The following ANKRD26 variants were observed in gnomAD, a reference collection of about 807,000 sequenced individuals.
The protein encoded by ANKRD26 is ankyrin repeat domain-containing protein 26.
ANKRD26 carries 141 observed loss-of-function variants against 208.7 expected under a neutral mutation model. The observed-to-expected ratio is 0.68, with a 90% CI of 0.59 to 0.78. The LOEUF is 0.78. ANKRD26 is among the 30% of genes least tolerant of loss of function. ANKRD26 has a pLI of 0.00. For missense variants in ANKRD26, 1,889 were observed against 1,938.7 expected (o/e 0.97, Z 0.48); for synonymous variants, 636 against 660.4 (o/e 0.96, Z 0.57).
At chr10:26,980,321 T>C (rs1211233470) in intron 5 of ANKRD26, among the ~76,000 whole-genome samples, 2 of 152,222 alleles carry the variant, frequency 1.3e-5, no homozygotes, top group Non-Finnish European at 2.9e-5. Context: ...TGTCATCCTA[T>C]TGGACCTTTG....
chr10:27,056,432 C>T (rs1482229276), intron 15 of ANKRD26, among the ~76,000 whole-genome samples: 1 of 151,750 alleles, frequency 6.6e-6, no homozygotes, highest in Non-Finnish European at 1.5e-5. Flanking sequence ...CCCGCCTTGG[C>T]CTCCCAAAGT....
intron 5 of ANKRD26, among the ~76,000 whole-genome samples, chr10:27,085,350 C>T (rs547807180): frequency 8.5e-5 from 13 of 152,206 alleles, no homozygotes; most frequent in African/African-American, 2.2e-4. Flanking sequence ...CCACCCGCCT[C>T]GGCCTCTCAA....
At position 27,043,438 on chromosome 10, in the gene ANKRD26, T is replaced by C. The variant is rs1397911382; in HGVS notation, c.2149A>G (p.Met717Val). Residue 717 changes from methionine (M) to valine (V), a missense_variant, in exon 20 of 34, where the codon ATG becomes GTG. Met to Val is a conservative substitution (Grantham distance 21). Coordinates refer to ENST00000376087, the MANE Select transcript of ANKRD26 (RefSeq NM_014915.3). Reference sequence around the variant, plus strand: ...GCAATGGTCCTACCTTTACACTCCATTCCAAGTTGTTCAATGAGCAACATA... The same window carrying C: ...GCAATGGTCCTACCTTTACACTCCACTCCAAGTTGTTCAATGAGCAACATA... The part of the protein sequence containing the change: ...NFMLLIEQLG[M>V]ECKDSVSLLK... The C allele has an allele frequency of 6.2e-7, 1 of 1,613,908 alleles. No homozygotes were observed. The highest frequency in any genetic ancestry group is 8.5e-7 in the Non-Finnish European group (1 of 1,179,964).
At chr10:27,040,801 G>A (rs568363527) in intron 20 of ANKRD26, among the ~76,000 whole-genome samples, 1 of 152,216 alleles carries the variant, frequency 6.6e-6, no homozygotes, top group East Asian at 1.9e-4. Context: ...AGGCTGAGGT[G>A]GGCGGATCAC....
At chr10:27,070,784 G>GC (rs1191827115) in intron 9 of ANKRD26, among the ~76,000 whole-genome samples, 1 of 149,752 alleles carries the variant, frequency 6.7e-6, no homozygotes, top group Non-Finnish European at 1.5e-5. Context: ...TCTTGACTCA[G>GC]CCCCCTGAGT....
chr10:27,020,375 C>CCGGAATGCATT (rs2053446260), intron 29 of ANKRD26, among the ~76,000 whole-genome samples: 1 of 152,126 alleles, frequency 6.6e-6, no homozygotes, highest in Non-Finnish European at 1.5e-5. Context: ...CTATAGAACA[C>CCGGAATGCATT]CGGAATGCAT....
intron 9 of ANKRD26, 44 bp downstream of exon 9, chr10:27,077,294 C>A (rs1387705621): frequency 1.4e-6 from 2 of 1,467,578 alleles, no homozygotes; most frequent in Non-Finnish European, 1.9e-6. Context: ...ATTGTTGGGG[C>A]AGGGGAAGGG....
At chr10:27,009,135 G>C (rs943817125) in intron 32 of ANKRD26, among the ~76,000 whole-genome samples, 1 of 152,096 alleles carries the variant, frequency 6.6e-6, no homozygotes, top group African/African-American at 2.4e-5. Context: ...CACCATGCCT[G>C]GCCAACCCTT....
chr10:27,014,255 G>GC (rs2053216111), intron 31 of ANKRD26, among the ~76,000 whole-genome samples: 1 of 149,964 alleles, frequency 6.7e-6, no homozygotes, highest in Non-Finnish European at 1.5e-5. Context: ...CATAGATCCA[G>GC]TTAACTACCT....
chr10:27,034,618 T>C (rs1332929469), intron 24 of ANKRD26, among the ~76,000 whole-genome samples, 178 bp downstream of exon 24: 1 of 152,160 alleles, frequency 6.6e-6, no homozygotes, highest in East Asian at 1.9e-4. Context: ...TGATACAATA[T>C]CTTTACTCAA....
At position 27,093,720 on chromosome 10, in the gene ANKRD26, C is replaced by T. The variant is rs374202872; in HGVS notation, c.322G>A (p.Val108Ile). ...GCTGTCCTGTTTTCGTTGTCACAGA[C>T]ATTGAGCTGGCATTTTCTGTCCACC... ...LLVDRKCQLN[V>I]CDNENRTALM... The change falls in exon 2 of 34, where the codon GTC becomes ATC. Residue 108 changes from valine to isoleucine, a missense_variant. Around this residue, in one of 3 missense-constraint regions of ANKRD26, gnomAD observed 1,272 missense variants for 1,273.8 expected, o/e 1.00. Coordinates refer to ENST00000376087, the MANE Select transcript of ANKRD26 (RefSeq NM_014915.3). The T allele has an allele frequency of 1.6e-5, 26 of 1,614,104 alleles. No individual in the cohort carries two copies. The highest frequency in any genetic ancestry group is 1.9e-5 in the Non-Finnish European group (22 of 1,180,044).
intron 9 of ANKRD26, among the ~76,000 whole-genome samples, chr10:27,074,648 C>A (rs2055630096): frequency 6.6e-6 from 1 of 151,886 alleles, no homozygotes; most frequent in African/African-American, 2.4e-5. Context: ...ACTACTCCAG[C>A]CTGGGTGACA....
the ANKRD26 span, among the ~76,000 whole-genome samples, chr10:26,948,710 A>G: frequency 6.6e-6 from 1 of 152,176 alleles, no homozygotes. Context: ...TTGTAATCAA[A>G]AGTGTGCTGG....
intron 21 of ANKRD26, 51 bp downstream of exon 21, chr10:27,039,914 A>AT: frequency 6.6e-7 from 1 of 1,523,982 alleles, no homozygotes; most frequent in Non-Finnish European, 9.1e-7. Context: ...AGAATTCTAT[A>AT]TATCTTTAGT....
intron 25 of ANKRD26, chr10:27,030,671 T>C: frequency 1.2e-6 from 1 of 847,460 alleles, no homozygotes; most frequent in Non-Finnish European, 1.4e-6. Context: ...ATTGAATAAC[T>C]TTCCTTTACT....
chr10:27,035,748 G>T lies in ANKRD26; in HGVS notation c.2702C>A (p.Ser901Tyr). Reference sequence around the variant, plus strand: ...GTCTTTTTCTTCTTCATGACTATGAGAATTCTAAGTAAAACAAAGGAAACT... The same window carrying T: ...GTCTTTTTCTTCTTCATGACTATGATAATTCTAAGTAAAACAAAGGAAACT... ...MAQKKMNSEN[S>Y]HSHEEEKDLS... is the part of the protein sequence containing the mutation. The change falls in exon 24 of 34, where the codon TCT (serine) becomes TAT (tyrosine). Residue 901 changes from serine (S) to tyrosine (Y), a missense_variant. Ser to Tyr is a moderately radical substitution (Grantham distance 144). Transcript: ENST00000376087. 1.2e-6 allele frequency: 2 copies of T among 1,601,960 alleles called. No homozygotes were observed. Among genetic ancestry groups the T allele is most frequent in the Non-Finnish European group, 1.7e-6 (2 of 1,172,492 alleles).
the ANKRD26 span, among the ~76,000 whole-genome samples, chr10:26,953,608 C>T: frequency 6.6e-6 from 1 of 152,098 alleles, no homozygotes; most frequent in Non-Finnish European, 1.5e-5. Context: ...AGGTTAGTTT[C>T]ACTAATCTTT....
chr10:27,034,227 G>A (rs371745203), intron 24 of ANKRD26, among the ~76,000 whole-genome samples: 1 of 152,262 alleles, frequency 6.6e-6, no homozygotes, highest in African/African-American at 2.4e-5. Context: ...ATAACAATAT[G>A]TAATTTGAGA....
chr10:27,073,851 C>T (rs115037563), intron 9 of ANKRD26, among the ~76,000 whole-genome samples: 5,059 of 152,276 alleles, frequency 0.033, 88 homozygotes, highest in Non-Finnish European at 0.039. Context: ...CCCAGTACAT[C>T]GTTATTACTA....
Sources: allele counts gnomAD v4.1 joint callset (sites outside exome capture counted in the v4.1 genomes callset), GRCh38; gene constraint gnomAD v4.1.1; regional missense constraint gnomAD v4.1.1; transcripts MANE v1.5; gene names NCBI Gene and HGNC (gene_info 2026-07-23, HGNC 2026-07-21).